The following TFAP2C variants were observed in gnomAD, a reference collection of about 807,000 sequenced individuals.
TFAP2C encodes transcription factor AP-2 gamma, also known as activating enhancer-binding protein 2 gamma.
A neutral mutation model predicts 42.9 loss-of-function variants in TFAP2C; 9 were observed. The ratio of observed to expected loss-of-function variants is 0.21; its 90% CI spans 0.13 to 0.37. The LOEUF is 0.37. Among genes scored for constraint, TFAP2C ranks in the 10% least tolerant of loss-of-function variants. The pLI is 1.00. For synonymous variants in TFAP2C, 264 were observed against 256.0 expected (o/e 1.03, Z -0.30); for missense variants, 462 against 591.7 (o/e 0.78, Z 2.27).
At position 56,630,326 on chromosome 20, in the gene TFAP2C, A is replaced by C. The variant is rs1029039446; in HGVS notation, c.48+734A>C. 2.4e-6 allele frequency: 1 copy of C among 424,920 alleles called. No homozygotes were observed. The highest frequency in any genetic ancestry group is 2.1e-5 in the African/African-American group (1 of 47,852). The allele number at this position is 424,920 out of a possible 1,614,324, so 26.3% of individuals were successfully genotyped here. On this transcript the variant is annotated intron_variant, in intron 1 of 6. Coordinates refer to ENST00000201031, the MANE Select transcript of TFAP2C (RefSeq NM_003222.4). The surrounding 1 kb of genome is among the most constrained non-coding windows in gnomAD (Gnocchi z 5.1). ...GCCCTGGAGGGCTGCCCCTGCCCGCAGGCCCGGGCGCTTCCGCCAGGAGGC... is the reference window on the plus strand; with the variant it reads ...GCCCTGGAGGGCTGCCCCTGCCCGCCGGCCCGGGCGCTTCCGCCAGGAGGC...
In TFAP2C at chr20:56,631,569, C is replaced by G. The variant is rs1987492026; in HGVS notation, c.413C>G (p.Ala138Gly). 6.5e-7 allele frequency: 1 copy of G among 1,533,638 alleles called. No individual in the cohort carries two copies. Among genetic ancestry groups the G allele is most frequent in the African/African-American group, 1.4e-5 (1 of 72,182 alleles). The change falls in exon 2 of 7, where the codon GCC becomes GGC. Residue 138 changes from alanine (A) to glycine (G), a missense_variant. Ala to Gly is a moderately conservative substitution (Grantham distance 60). Coordinates refer to ENST00000201031, the MANE Select transcript of TFAP2C (RefSeq NM_003222.4). This position sits in a 1 kb window ranked among gnomAD's most constrained non-coding sequence, Gnocchi z 6.1. ...LSGLEAGAVS[A>G]RRDAYRRSDL... ...GGGCTGGAGGCGGGCGCGGTGAGCG[C>G]CCGCAGGGATGCCTACCGCCGCTCC... is the stretch of plus-strand genomic sequence containing the variant.
chr20:56,634,725 TGTATACAA>T (rs1987553003), intron 5 of TFAP2C, among the ~76,000 whole-genome samples: 1 of 152,176 alleles, frequency 6.6e-6, no homozygotes, highest in African/African-American at 2.4e-5. Context: ...GAGAACCTCT[TGTATACAA>T]TACGACTGGC....
intron 5 of TFAP2C, 75 bp downstream of exon 5, chr20:56,634,343 C>A: frequency 9.3e-7 from 1 of 1,080,240 alleles, no homozygotes; most frequent in Admixed American, 2.2e-5. Context: ...TGCAGAAAAA[C>A]TGGAAAACAA....
chr20:56,630,502 G>T lies in TFAP2C; in HGVS notation c.49-703G>T. On this transcript the variant is annotated intron_variant, in intron 1 of 6. Transcript: ENST00000201031. The surrounding 1 kb of genome is among the most constrained non-coding windows in gnomAD (Gnocchi z 5.1). ...TTCCAGGGTTCTTCATGCCCCCTCT[G>T]CGCCCCGACGTGCGAGAACACTGCC... The T allele has an allele frequency of 2.9e-6, 1 of 346,240 alleles. No homozygotes were observed. The highest frequency in any genetic ancestry group is 5.7e-6 in the Non-Finnish European group (1 of 174,938). 21.4% of individuals were successfully genotyped at this position (346,240 alleles called of 1,614,324 possible).
At position 56,629,769 on chromosome 20, in the gene TFAP2C, C is replaced by A. The variant is rs1987449906; in HGVS notation, c.48+177C>A. Among the ~76,000 whole-genome samples, 2 of 152,084 alleles carry A rather than the reference C, an allele frequency of 1.3e-5. No homozygotes were observed. The highest frequency in any genetic ancestry group is 2.9e-5 in the Non-Finnish European group (2 of 68,010). Reference sequence around the variant, plus strand: ...GCGGGGCCCCTTTCCTGTATAGGGCCTTTTCCTAAATAGCCTCCCCTCGGG... The same window carrying A: ...GCGGGGCCCCTTTCCTGTATAGGGCATTTTCCTAAATAGCCTCCCCTCGGG... On this transcript the variant is annotated intron_variant, in intron 1 of 6. Transcript: ENST00000201031. This position sits in a 1 kb window ranked among gnomAD's most constrained non-coding sequence, Gnocchi z 5.9.
Position 56,631,601 on chromosome 20 carries a change from C to G in TFAP2C, c.445C>G (p.Leu149Val). Residue 149 changes from leucine (L) to valine (V), a missense_variant, in exon 2 of 7, where the codon CTG becomes GTG. Leu to Val is a conservative substitution (Grantham distance 32). This residue lies in a region of TFAP2C where 271 missense variants were observed against 269.7 expected (regional missense o/e 1.00). Coordinates refer to ENST00000201031, the MANE Select transcript of TFAP2C (RefSeq NM_003222.4). The surrounding 1 kb of genome is among the most constrained non-coding windows in gnomAD (Gnocchi z 6.1). The stretch of plus-strand genomic sequence containing the variant: ...GGATGCCTACCGCCGCTCCGACCTG[C>G]TGCTGCCCCACGCACACGCCCTGGA... ...RRDAYRRSDL[L>V]LPHAHALDAA... is the part of the protein sequence containing the mutation. The G allele has an allele frequency of 6.4e-7, 1 of 1,558,194 alleles. No homozygotes were observed. Among genetic ancestry groups the G allele is most frequent in the Non-Finnish European group, 8.6e-7 (1 of 1,159,204 alleles).
chr20:56,635,222 TGTAGAATCGGCG>T (rs1379242042), intron 5 of TFAP2C, among the ~76,000 whole-genome samples: 1 of 152,238 alleles, frequency 6.6e-6, no homozygotes, highest in Non-Finnish European at 1.5e-5. Flanking sequence ...CTGTCCTGCC[TGTAGAATCGGCG>T]GTTCTGCTGG....
At chr20:56,634,354 C>A in intron 5 of TFAP2C, 86 bp downstream of exon 5, 1 of 958,372 alleles carries the variant, frequency 1.0e-6, no homozygotes, top group Non-Finnish European at 1.6e-6. Context: ...TGGAAAACAA[C>A]TCTTAAAACT....
intron 5 of TFAP2C, among the ~76,000 whole-genome samples, chr20:56,635,376 AC>A (rs1433408217): frequency 1.3e-5 from 2 of 152,004 alleles, no homozygotes; most frequent in Non-Finnish European, 2.9e-5. Context: ...CCAGTCCTGC[AC>A]CCTGGAGCCA....
intron 5 of TFAP2C, among the ~76,000 whole-genome samples, chr20:56,634,734 T>C (rs1987553087): frequency 1.3e-5 from 2 of 152,156 alleles, no homozygotes; most frequent in African/African-American, 4.8e-5. Flanking sequence ...TTGTATACAA[T>C]ACGACTGGCC....
chr20:56,631,418 A>C lies in TFAP2C; in HGVS notation c.262A>C (p.Asn88His). The C allele has an allele frequency of 3.7e-6, 6 of 1,600,734 alleles. No individual in the cohort carries two copies. The highest frequency in any genetic ancestry group is 1.3e-5 in the African/African-American group (1 of 74,320). ...HLGEAYAAAI[N>H]PLHQPAPTGS... The stretch of plus-strand genomic sequence containing the variant: ...GGGGGAAGCGTACGCCGCCGCCATC[A>C]ACCCCCTGCACCAGCCGGCGCCCAC... The change falls in exon 2 of 7, where the codon AAC becomes CAC. Residue 88 changes from asparagine (N) to histidine (H), a missense_variant. Asn to His is a moderately conservative substitution (Grantham distance 68). Transcript: ENST00000201031. The surrounding 1 kb of genome is among the most constrained non-coding windows in gnomAD (Gnocchi z 6.1).
rs1987501662 is a variant in TFAP2C, at chr20:56,631,937, G to T, written c.586+81G>T. 6.6e-7 allele frequency: 1 copy of T among 1,509,454 alleles called. No individual in the cohort carries two copies. The highest frequency in any genetic ancestry group is 1.4e-5 in the African/African-American group (1 of 72,906). 93.5% of individuals were successfully genotyped at this position (1,509,454 alleles called of 1,614,324 possible). A position where few individuals can be genotyped will look rare whatever the true frequency, so the allele number is the denominator to read the frequency against. On this transcript the variant is annotated intron_variant, in intron 3 of 6. Coordinates refer to ENST00000201031, the MANE Select transcript of TFAP2C (RefSeq NM_003222.4). The surrounding 1 kb of genome is among the most constrained non-coding windows in gnomAD (Gnocchi z 6.1). ...TTGACTGGCAAGGTTGGGGGTATTT[G>T]GTGGCCAGCGTGGGACATTTGTGGT...
Position 56,637,962 on chromosome 20 carries a change from T to G in TFAP2C, c.1302T>G (p.Ser434Arg). The change falls in exon 7 of 7, where the codon AGT becomes AGG. Residue 434 changes from serine to arginine, a missense_variant. Transcript: ENST00000201031. Reference sequence around the variant, plus strand: ...CCTACATGAACCCTGGAGACCAGAGTCCAGCTGATTCTAACAAAACCCTGG... The same window carrying G: ...CCTACATGAACCCTGGAGACCAGAGGCCAGCTGATTCTAACAAAACCCTGG... ...DKSYMNPGDQSPADSNKTLEK... is the reference protein window; with the variant it reads ...DKSYMNPGDQRPADSNKTLEK... 1.2e-6 allele frequency: 2 copies of G among 1,613,808 alleles called. No individual in the cohort carries two copies. The highest frequency in any genetic ancestry group is 1.7e-6 in the Non-Finnish European group (2 of 1,179,908).
intron 5 of TFAP2C, among the ~76,000 whole-genome samples, chr20:56,634,999 G>GA (rs1406653582): frequency 1.3e-5 from 2 of 152,218 alleles, no homozygotes; most frequent in African/African-American, 2.4e-5. Context: ...GGAAGAGTTG[G>GA]ACGCTGAGAG....
In TFAP2C at chr20:56,629,698, C is replaced by T. The variant is rs1229968903; in HGVS notation, c.48+106C>T. Reference sequence around the variant, plus strand: ...CGAGGGCATAGGAGCCCTGGCCTCTCGGTGGGACGGGATCCACTTCTCCGG... The same window carrying T: ...CGAGGGCATAGGAGCCCTGGCCTCTTGGTGGGACGGGATCCACTTCTCCGG... On this transcript the variant is annotated intron_variant, in intron 1 of 6. Transcript: ENST00000201031. This position sits in a 1 kb window ranked among gnomAD's most constrained non-coding sequence, Gnocchi z 5.9. 2 of 847,676 alleles carry T rather than the reference C, an allele frequency of 2.4e-6. No homozygotes were observed. The highest frequency in any genetic ancestry group is 3.3e-6 in the Non-Finnish European group (2 of 612,792). The allele number at this position is 847,676 out of a possible 1,614,324, so 52.5% of individuals were successfully genotyped here.
intron 5 of TFAP2C, among the ~76,000 whole-genome samples, chr20:56,635,139 G>A (rs988983491): frequency 2.0e-5 from 3 of 152,118 alleles, no homozygotes; most frequent in African/African-American, 7.2e-5. Context: ...ACTTGGCAGA[G>A]TCCCTGCTTT....
intron 5 of TFAP2C, among the ~76,000 whole-genome samples, chr20:56,634,784 A>G (rs1024146150): frequency 6.6e-6 from 1 of 152,158 alleles, no homozygotes; most frequent in South Asian, 2.1e-4. Context: ...CCAAAGAAAA[A>G]AACTAATCGA....
At position 56,631,779 on chromosome 20, in the gene TFAP2C, A is replaced by G. The variant is rs1568751803; in HGVS notation, c.535-26A>G. 1 of 1,614,080 alleles carries G rather than the reference A, an allele frequency of 6.2e-7. No individual in the cohort carries two copies. The highest frequency in any genetic ancestry group is 8.5e-7 in the Non-Finnish European group (1 of 1,180,002). On this transcript the variant is annotated intron_variant, in intron 2 of 6. Transcript: ENST00000201031. This position sits in a 1 kb window ranked among gnomAD's most constrained non-coding sequence, Gnocchi z 6.1. Reference sequence around the variant, plus strand: ...ACTCCTCTAGGCTCCCCCGAACTTAAGGGAATTTTGTCCTCTCTCCCCCAG... The same window carrying G: ...ACTCCTCTAGGCTCCCCCGAACTTAGGGGAATTTTGTCCTCTCTCCCCCAG...
rs570117977 is a variant in TFAP2C at position 56,629,603 on chromosome 20, G to GCT, written c.48+13_48+14dup. 9.8e-5 allele frequency: 138 copies of GCT among 1,407,746 alleles called. 2 individuals carry two copies. The South Asian group carries it at 2.4e-3, about 24-fold the overall frequency. The allele number at this position is 1,407,746 out of a possible 1,614,324, so 87.2% of individuals were successfully genotyped here. ...GAAGAGGACTGCGAGGTGAGCTGGG[G>GCT]CTCCGGGGTGCAGCCCCGCCCCGCC... On this transcript the variant is annotated intron_variant, in intron 1 of 6. Transcript: ENST00000201031. The surrounding 1 kb of genome is among the most constrained non-coding windows in gnomAD (Gnocchi z 5.9).
Sources: gnomAD v4.1 joint callset for allele counts (sites outside exome capture counted in the v4.1 genomes callset) on GRCh38, gnomAD v4.1.1 for gene constraint, gnomAD v4.1.1 regional missense constraint, Gnocchi (gnomAD v3.1) non-coding constraint, MANE v1.5 for transcripts, NCBI Gene and HGNC (gene_info 2026-07-23, HGNC 2026-07-21) for gene names.